Variants in CPNE5 observed in about 807,000 individuals in gnomAD.
CPNE5 encodes the protein copine 5.
In CPNE5, 42 loss-of-function variants were observed where a neutral mutation model predicts 81.1. The ratio of observed to expected loss-of-function variants is 0.52; its 90% CI spans 0.40 to 0.67. The LOEUF (loss-of-function observed/expected upper bound fraction) is 0.67. Ranked by LOEUF, CPNE5 falls within the 30% of genes least tolerant of loss-of-function variation. CPNE5 has a pLI of 0.00. For synonymous variants in CPNE5, 313 were observed against 321.5 expected, an observed-to-expected ratio of 0.97 and a Z score of 0.28; for missense variants, 612 against 815.5, an observed-to-expected ratio of 0.75 and a Z score of 3.04.
At chr6:36,789,489 T>TG (rs931347953) in intron 8 of CPNE5, among the ~76,000 whole-genome samples, 1 of 152,008 alleles carries the variant, frequency 6.6e-6, no homozygotes, top group African/African-American at 2.4e-5. Flanking sequence ...GCTAGAAGCT[T>TG]GGGGAAACAC....
At chr6:36,780,997 C>A (rs182545981) in intron 8 of CPNE5, among the ~76,000 whole-genome samples, 1 of 152,176 alleles carries the variant, frequency 6.6e-6, no homozygotes, top group African/African-American at 2.4e-5. Flanking sequence ...ACTCTGCCCC[C>A]CTGAGAGAGA....
intron 12 of CPNE5, chr6:36,757,286 T>C: frequency 1.0e-6 from 1 of 983,372 alleles, no homozygotes; most frequent in Non-Finnish European, 1.2e-6. Flanking sequence ...TTTTCATACC[T>C]CCTGTGCTGC....
At position 36,766,691 on chromosome 6, in the gene CPNE5, ATC is replaced by A. The variant is rs1032647738; in HGVS notation, c.738-1317_738-1316del. Among the ~76,000 whole-genome samples, 1,056 of 152,160 alleles carry A rather than the reference ATC, an allele frequency of 6.9e-3. 7 individuals carry two copies. The highest frequency in any genetic ancestry group is 0.024 in the African/African-American group (982 of 41,508). On this transcript the variant is annotated intron_variant, in intron 10 of 20. Coordinates refer to ENST00000244751, the MANE Select transcript of CPNE5 (RefSeq NM_020939.2). This position sits in a 1 kb window ranked among gnomAD's most constrained non-coding sequence, Gnocchi z 4.2. ...ACTATGGGACCTGAGATGTCACTTAATCTCCCCGAGCCATAAGCCACCATTGA... is the reference window on the plus strand; with the variant it reads ...ACTATGGGACCTGAGATGTCACTTAATCCCCGAGCCATAAGCCACCATTGA...
rs373289838 is a variant in CPNE5, at chr6:36,766,119, C to T, written c.738-743G>A. Among the ~76,000 whole-genome samples, 6 of 152,170 alleles carry T rather than the reference C, an allele frequency of 3.9e-5. No individual in the cohort carries two copies. The highest frequency in any genetic ancestry group is 1.4e-4 in the African/African-American group (6 of 41,522). On this transcript the variant is annotated intron_variant, in intron 10 of 20. Transcript: ENST00000244751. This position sits in a 1 kb window ranked among gnomAD's most constrained non-coding sequence, Gnocchi z 4.2. ...CCAGCTGCTCGATCCTCCAGGGATG[C>T]CCAGGGACAGGGGAGCTGCCAGGGT...
chr6:36,776,097 C>T (rs1055531575), intron 9 of CPNE5, among the ~76,000 whole-genome samples: 1 of 152,152 alleles, frequency 6.6e-6, no homozygotes, highest in Admixed American at 6.5e-5. Context: ...TGTCCCTGCC[C>T]ATGCCCCACG....
intron 9 of CPNE5, among the ~76,000 whole-genome samples, chr6:36,777,675 G>A (rs567991349): frequency 2.6e-5 from 4 of 151,506 alleles, no homozygotes; most frequent in Non-Finnish European, 5.9e-5. Flanking sequence ...CCCTTGTTTT[G>A]TACGTTCAGG....
At chr6:36,783,378 T>TAAAAAA (rs36056853) in intron 8 of CPNE5, among the ~76,000 whole-genome samples, 4 of 118,454 alleles carry the variant, frequency 3.4e-5, no homozygotes, top group African/African-American at 9.3e-5. Context: ...GCAGTAAAAG[T>TAAAAAA]AAAAAAAAAA....
intron 13 of CPNE5, 152 bp downstream of exon 13, chr6:36,756,093 G>GCCCCCCCCC: frequency 1.7e-6 from 1 of 595,830 alleles, no homozygotes; most frequent in Non-Finnish European, 3.0e-6. Flanking sequence ...TGCTCCATCT[G>GCCCCCCCCC]CCCCACCCCT....
chr6:36,779,264 T>C (rs1198436116), intron 8 of CPNE5, among the ~76,000 whole-genome samples: 2 of 152,210 alleles, frequency 1.3e-5, no homozygotes, highest in African/African-American at 2.4e-5. Context: ...GGGTTGATGA[T>C]AGCACACATC....
chr6:36,836,602 C>T (rs1561835766), intron 1 of CPNE5, among the ~76,000 whole-genome samples: 1 of 152,288 alleles, frequency 6.6e-6, no homozygotes, highest in East Asian at 1.9e-4. Flanking sequence ...GGCAGAGCCT[C>T]CCCAGAGCCT....
intron 14 of CPNE5, among the ~76,000 whole-genome samples, chr6:36,749,822 G>A (rs932786745): frequency 2.0e-5 from 3 of 152,152 alleles, no homozygotes; most frequent in East Asian, 1.9e-4. Context: ...TGTGTTTGAC[G>A]TTTTCTATAA....
At position 36,744,314 on chromosome 6, in the gene CPNE5, G is replaced by T. The variant is rs772532383; in HGVS notation, c.1443C>A (p.Leu481=). Residue 481 remains leucine, a synonymous_variant, in exon 19 of 21, where the codon CTC becomes CTA. Coordinates refer to ENST00000244751, the MANE Select transcript of CPNE5 (RefSeq NM_020939.2). ...TKEAIVNAAK[L]PMSIIIVGVG... ...CGCCGACGATAATGATGGACATGGG[G>T]AGCTTGGCAGCCTGGGAGACAGCAT... is the stretch of plus-strand genomic sequence containing the variant. 4.4e-6 allele frequency: 7 copies of T among 1,582,700 alleles called. No homozygotes were observed.
At chr6:36,760,330 G>A (rs778234843) in intron 12 of CPNE5, among the ~76,000 whole-genome samples, 8 of 152,056 alleles carry the variant, frequency 5.3e-5, no homozygotes, top group African/African-American at 1.4e-4. Flanking sequence ...TCTCAGCTGC[G>A]GTGGGAGCAT....
chr6:36,832,044 T>G (rs1483163053), intron 1 of CPNE5, among the ~76,000 whole-genome samples: 3 of 152,228 alleles, frequency 2.0e-5, no homozygotes, highest in Non-Finnish European at 2.9e-5. Flanking sequence ...TTAGGGAACC[T>G]TGCAATGATT....
intron 3 of CPNE5, among the ~76,000 whole-genome samples, chr6:36,805,130 A>T (rs574178908): frequency 6.6e-6 from 1 of 152,294 alleles, no homozygotes; most frequent in East Asian, 1.9e-4. Flanking sequence ...AAAAAAAATC[A>T]ATTTGGCTGC....
chr6:36,792,190 C>A, intron 7 of CPNE5, 94 bp from the exon 8 acceptor site: 2 of 1,292,566 alleles, frequency 1.5e-6, no homozygotes, highest in East Asian at 2.4e-5. Context: ...CATCCTCCCC[C>A]GCCCCCTACC....
At chr6:36,809,600 A>C (rs1436966064) in intron 3 of CPNE5, among the ~76,000 whole-genome samples, 1 of 152,060 alleles carries the variant, frequency 6.6e-6, no homozygotes, top group Non-Finnish European at 1.5e-5. Flanking sequence ...AAACAACAAC[A>C]ACAAAAAGCC....
At chr6:36,834,925 C>T (rs1408765014) in intron 1 of CPNE5, among the ~76,000 whole-genome samples, 1 of 152,166 alleles carries the variant, frequency 6.6e-6, no homozygotes, top group South Asian at 2.1e-4. Context: ...TGTTCACACC[C>T]CTTCTGAGAG....
intron 13 of CPNE5, chr6:36,755,888 A>C: frequency 3.4e-6 from 1 of 296,912 alleles, no homozygotes; most frequent in Non-Finnish European, 6.3e-6. Flanking sequence ...AGGGGATGAT[A>C]ATATCTGCCT....
Sources: gnomAD v4.1 joint callset for allele counts (sites outside exome capture counted in the v4.1 genomes callset) on GRCh38, gnomAD v4.1.1 for gene constraint, Gnocchi (gnomAD v3.1) non-coding constraint, MANE v1.5 for transcripts, NCBI Gene and HGNC (gene_info 2026-07-23, HGNC 2026-07-21) for gene names.